The following CACNA2D1 variants were observed in gnomAD, a reference collection of about 807,000 sequenced individuals.
CACNA2D1 encodes calcium voltage-gated channel auxiliary subunit alpha2delta 1, also known as voltage-dependent calcium channel subunit alpha-2/delta-1.
A neutral mutation model predicts 171.5 loss-of-function variants in CACNA2D1; 53 were observed. The observed-to-expected ratio is 0.31, with a 90% CI of 0.25 to 0.39. The LOEUF is 0.39. Among genes scored for constraint, CACNA2D1 ranks in the 10% least tolerant of loss-of-function variants. CACNA2D1 has a pLI of 1.00. For synonymous variants in CACNA2D1, 442 were observed against 443.1 expected, an observed-to-expected ratio of 1.00 and a Z score of 0.03; for missense variants, 903 against 1,299.8, an observed-to-expected ratio of 0.69 and a Z score of 4.69.
At chr7:82,434,346 C>T (rs946093962) in intron 1 of CACNA2D1, among the ~76,000 whole-genome samples, 1 of 152,080 alleles carries the variant, frequency 6.6e-6, no homozygotes, top group Non-Finnish European at 1.5e-5. Context: ...TTTTTCTTAA[C>T]TTTTATTTTT....
chr7:82,146,087 C>T (rs1793004142), intron 4 of CACNA2D1, among the ~76,000 whole-genome samples: 1 of 151,686 alleles, frequency 6.6e-6, no homozygotes, highest in Non-Finnish European at 1.5e-5. Context: ...GCATATTAAC[C>T]AATCTACAAG....
intron 1 of CACNA2D1, among the ~76,000 whole-genome samples, chr7:82,402,126 G>A (rs1193870526): frequency 6.6e-6 from 1 of 152,138 alleles, no homozygotes; most frequent in African/African-American, 2.4e-5. Context: ...AAATCACAGA[G>A]GGAAGAAATC....
At position 82,117,088 on chromosome 7, in the gene CACNA2D1, T is replaced by A. The variant is rs752496490; in HGVS notation, c.482A>T (p.Tyr161Phe). 5.6e-6 allele frequency: 9 copies of A among 1,613,838 alleles called. No homozygotes were observed. The Admixed American group carries it at 1.5e-4, about 27-fold the overall frequency. ...EDANFGRQISYQHAAVHIPTD... is the reference protein window; with the variant it reads ...EDANFGRQISFQHAAVHIPTD... ...AGGAATATGGACTGCTGCGTGCTGA[T>A]AAGATATTTGTCGTCCAAAATTAGC... Residue 161 changes from tyrosine (Y) to phenylalanine (F), a missense_variant, in exon 6 of 39, where the codon TAT becomes TTT. Transcript: ENST00000356860.
intron 1 of CACNA2D1, among the ~76,000 whole-genome samples, chr7:82,400,569 G>A (rs1278228675): frequency 1.3e-5 from 2 of 151,740 alleles, no homozygotes; most frequent in Admixed American, 1.3e-4. Flanking sequence ...ATGGATTAAA[G>A]ACTTAAACGT....
intron 1 of CACNA2D1, among the ~76,000 whole-genome samples, chr7:82,387,785 A>G (rs572064272): frequency 9.2e-5 from 14 of 152,276 alleles, no homozygotes; most frequent in East Asian, 1.9e-4. Context: ...TGCCTGTTCA[A>G]ATTTAAATCT....
chr7:82,037,554 T>C (rs1400615991), intron 11 of CACNA2D1, among the ~76,000 whole-genome samples: 1 of 151,742 alleles, frequency 6.6e-6, no homozygotes, highest in African/African-American at 2.4e-5. Context: ...CACTGATGAG[T>C]GATTGTGGGG....
chr7:82,191,969 CA>C (rs1411991553), intron 3 of CACNA2D1, among the ~76,000 whole-genome samples: 1 of 151,608 alleles, frequency 6.6e-6, no homozygotes, highest in Non-Finnish European at 1.5e-5. Context: ...CTCTATCATG[CA>C]AAGAAATCTC....
rs866145963 is a variant in CACNA2D1, at chr7:82,180,694, G to A, written c.295-10085C>T. Among the ~76,000 whole-genome samples, 79 of 152,244 alleles carry A rather than the reference G, an allele frequency of 5.2e-4. 1 individual carries two copies. The highest frequency in any genetic ancestry group is 1.2e-4 in the African/African-American group (5 of 41,550). On this transcript the variant is annotated intron_variant, in intron 3 of 38. Transcript: ENST00000356860. ...TCCTATGGGACGGGTAAGATACAATGTGGAGGTGAAACTAAAATGCATAAA... is the reference window on the plus strand; with the variant it reads ...TCCTATGGGACGGGTAAGATACAATATGGAGGTGAAACTAAAATGCATAAA...
intron 3 of CACNA2D1, among the ~76,000 whole-genome samples, chr7:82,265,163 A>G (rs1807660543): frequency 6.6e-6 from 1 of 152,228 alleles, no homozygotes; most frequent in African/African-American, 2.4e-5. Context: ...TAGATCTGAC[A>G]GGCGATACAT....
chr7:82,150,751 T>G (rs1793773039), intron 4 of CACNA2D1, among the ~76,000 whole-genome samples: 1 of 152,154 alleles, frequency 6.6e-6, no homozygotes, highest in South Asian at 2.1e-4. Context: ...TTAACTGAAG[T>G]AGAAATCAGT....
intron 18 of CACNA2D1, chr7:82,001,692 T>A: frequency 7.9e-7 from 1 of 1,266,392 alleles, no homozygotes; most frequent in African/African-American, 1.5e-5. Flanking sequence ...TTAAATTAAT[T>A]GTTGGTATAC....
At chr7:82,336,518 T>C (rs962450897) in intron 2 of CACNA2D1, among the ~76,000 whole-genome samples, 1 of 152,196 alleles carries the variant, frequency 6.6e-6, no homozygotes, top group Non-Finnish European at 1.5e-5. Flanking sequence ...TTTGAACTTA[T>C]AAGTTTTCAC....
chr7:82,356,451 A>G (rs181472266), intron 1 of CACNA2D1, among the ~76,000 whole-genome samples: 3 of 152,222 alleles, frequency 2.0e-5, no homozygotes, highest in African/African-American at 7.2e-5. Context: ...AACTAAAAAT[A>G]TTCTCGTCTC....
intron 21 of CACNA2D1, among the ~76,000 whole-genome samples, chr7:81,985,510 T>C (rs1371184201): frequency 1.3e-5 from 2 of 152,120 alleles, no homozygotes; most frequent in Admixed American, 1.3e-4. Flanking sequence ...CATAAAGTCA[T>C]CTAAAATATA....
At chr7:82,096,805 T>A (rs1811923250) in intron 6 of CACNA2D1, among the ~76,000 whole-genome samples, 1 of 151,930 alleles carries the variant, frequency 6.6e-6, no homozygotes, top group Admixed American at 6.6e-5. Context: ...AACTCCAGCA[T>A]CATATTTAAT....
intron 5 of CACNA2D1, 38 bp downstream of exon 5, chr7:82,136,597 A>T: frequency 1.3e-6 from 2 of 1,500,282 alleles, no homozygotes; most frequent in Non-Finnish European, 9.2e-7. Flanking sequence ...TTTTACTATA[A>T]TTTTCTTGGA....
In CACNA2D1 at chr7:81,982,487, G is replaced by A; in HGVS notation, c.1955+80C>T. On this transcript the variant is annotated intron_variant, in intron 24 of 38. Transcript: ENST00000356860. ...TAATGTGATATGGAACTAACCCAGA[G>A]CAGTCTTGACTCAATTCTGAACTAC... 7.5e-6 allele frequency: 6 copies of A among 800,296 alleles called. No homozygotes were observed. The South Asian group carries it at 8.0e-5, about 11-fold the overall frequency. The allele number at this position is 800,296 out of a possible 1,614,324, so 49.6% of individuals were successfully genotyped here.
intron 1 of CACNA2D1, among the ~76,000 whole-genome samples, chr7:82,435,688 T>G (rs1422457357): frequency 6.6e-6 from 1 of 152,158 alleles, no homozygotes; most frequent in African/African-American, 2.4e-5. Flanking sequence ...TGCCTCTGCC[T>G]AATATACTGG....
intron 3 of CACNA2D1, among the ~76,000 whole-genome samples, chr7:82,325,284 G>A (rs1241829297): frequency 2.6e-5 from 4 of 152,136 alleles, no homozygotes; most frequent in Non-Finnish European, 4.4e-5. Context: ...AATCCACTGG[G>A]CAACCATTCA....
Sources: allele counts gnomAD v4.1 joint callset (sites outside exome capture counted in the v4.1 genomes callset), GRCh38; gene constraint gnomAD v4.1.1; transcripts MANE v1.5; gene names NCBI Gene and HGNC (gene_info 2026-07-23, HGNC 2026-07-21).